Variants in CDK13 observed in about 807,000 individuals in gnomAD.
CDK13 encodes the protein cyclin dependent kinase 13.
CDK13 carries 40 observed loss-of-function variants against 137.6 expected under a neutral mutation model. The observed-to-expected ratio is 0.29, with a 90% CI of 0.23 to 0.38. The LOEUF is 0.38. Among genes scored for constraint, CDK13 ranks in the 10% least tolerant of loss-of-function variants. The probability of loss-of-function intolerance (pLI) is 1.00; values close to 1 mark genes in which losing one functional copy is unlikely to be tolerated. For synonymous variants in CDK13, 869 were observed against 760.1 expected, an observed-to-expected ratio of 1.14 and a Z score of -2.36; for missense variants, 1,704 against 1,951.8, an observed-to-expected ratio of 0.87 and a Z score of 2.39.
At position 39,996,983 on chromosome 7, in the gene CDK13, A is replaced by AAAAAAAAAAAAAAAAAAG. The variant is rs1562719391; in HGVS notation, c.1872-506_1872-505insAAAAAAAAAAAAGAAAAA. On this transcript the variant is annotated intron_variant, in intron 2 of 13. Coordinates refer to ENST00000181839, the MANE Select transcript of CDK13 (RefSeq NM_003718.5). Reference sequence around the variant, plus strand: ...TCTCAAAAAAAAAAAAAAAGAAAAAAAAAAAGAAAAATGCTTTGCAAAACT... The same window carrying AAAAAAAAAAAAAAAAAAG: ...TCTCAAAAAAAAAAAAAAAGAAAAAAAAAAAAAAAAAAAAAAAGAAAAAGAAAAATGCTTTGCAAAACT... Among the ~76,000 whole-genome samples the AAAAAAAAAAAAAAAAAAG allele has an allele frequency of 3.7e-4, 52 of 141,464 alleles. 1 individual carries two copies. The highest frequency in any genetic ancestry group is 1.5e-3 in the African/African-American group (51 of 33,560). The allele number at this position is 141,464 out of a possible 152,430, so 92.8% of individuals were successfully genotyped here.
intron 9 of CDK13, among the ~76,000 whole-genome samples, chr7:40,073,902 C>CTTT (rs75410283): frequency 3.9e-5 from 5 of 129,614 alleles, no homozygotes; most frequent in East Asian, 4.5e-4. Context: ...TCTTTTTTTC[C>CTTT]TTTTTTTTTT....
intron 5 of CDK13, among the ~76,000 whole-genome samples, chr7:40,011,031 C>T (rs1401587467): frequency 6.6e-6 from 1 of 152,100 alleles, no homozygotes; most frequent in East Asian, 1.9e-4. Flanking sequence ...CCATGTTCAT[C>T]GATTAGAAAA....
At chr7:40,072,490 G>A (rs1182251277) in intron 9 of CDK13, 1 of 152,206 alleles carries the variant, frequency 6.6e-6, no homozygotes, top group Non-Finnish European at 1.5e-5. Context: ...TGATAATGAA[G>A]ACTACATCCT....
chr7:39,968,966 T>C (rs2116176414), intron 1 of CDK13, among the ~76,000 whole-genome samples: 1 of 152,338 alleles, frequency 6.6e-6, no homozygotes, highest in African/African-American at 2.4e-5. Flanking sequence ...TTTGCCAGTC[T>C]GGCTTGCTCA....
intron 9 of CDK13, 110 bp from the exon 10 acceptor site, chr7:40,077,895 C>A (rs1786580877): frequency 3.7e-6 from 2 of 538,918 alleles, no homozygotes; most frequent in Non-Finnish European, 3.3e-6. Flanking sequence ...TTTTTATAGA[C>A]CAAGGCTTCA....
intron 2 of CDK13, among the ~76,000 whole-genome samples, chr7:39,996,907 T>C (rs1283984443): frequency 7.5e-6 from 1 of 133,074 alleles, no homozygotes; most frequent in Non-Finnish European, 1.5e-5. Context: ...GAGGTTGCAG[T>C]GAGCCAGGAT....
At chr7:39,964,849 AC>A (rs746669608) in intron 1 of CDK13, among the ~76,000 whole-genome samples, 2 of 152,100 alleles carry the variant, frequency 1.3e-5, no homozygotes, top group Non-Finnish European at 2.9e-5. Context: ...GTTTCAAAGA[AC>A]ATCTTTATTT....
chr7:40,083,174 A>T (rs1786709128), intron 11 of CDK13, among the ~76,000 whole-genome samples: 1 of 150,196 alleles, frequency 6.7e-6, no homozygotes, highest in Non-Finnish European at 1.5e-5. Context: ...AGTTTTTTGG[A>T]TAGTAAAGAA....
At chr7:39,962,109 G>A (rs1783758165) in intron 1 of CDK13, among the ~76,000 whole-genome samples, 1 of 152,170 alleles carries the variant, frequency 6.6e-6, no homozygotes. Context: ...ATGTGCATGT[G>A]TCTTTATAGC....
chr7:40,005,209 T>A (rs898087363), intron 5 of CDK13, among the ~76,000 whole-genome samples: 15 of 151,932 alleles, frequency 9.9e-5, no homozygotes, highest in Admixed American at 3.3e-4. Flanking sequence ...ATAAATATAT[T>A]TTTTTAAAAC....
intron 5 of CDK13, among the ~76,000 whole-genome samples, chr7:40,029,043 T>C (rs1785307872): frequency 6.6e-6 from 1 of 152,004 alleles, no homozygotes; most frequent in Non-Finnish European, 1.5e-5. Context: ...TGCAGATTTT[T>C]AAAATAAATA....
intron 4 of CDK13, among the ~76,000 whole-genome samples, chr7:40,001,269 G>A (rs187672076): frequency 6.7e-6 from 1 of 150,200 alleles, no homozygotes; most frequent in Admixed American, 6.6e-5. Context: ...GGGCTGGAGT[G>A]CAGAGTGCAG....
At chr7:40,041,403 A>G (rs1461972016) in intron 5 of CDK13, among the ~76,000 whole-genome samples, 4 of 152,194 alleles carry the variant, frequency 2.6e-5, no homozygotes, top group Non-Finnish European at 5.9e-5. Flanking sequence ...CAAGACCACA[A>G]ATTATTGAGA....
chr7:39,996,987 A>AAAAAAAAAAAAC (rs1562719405), intron 2 of CDK13, among the ~76,000 whole-genome samples: 2 of 150,938 alleles, frequency 1.3e-5, no homozygotes, highest in African/African-American at 4.9e-5. Flanking sequence ...GAAAAAAAAA[A>AAAAAAAAAAAAC]AGAAAAATGC....
At position 40,097,295 on chromosome 7, in the gene CDK13, TA is replaced by T. The variant is rs1486232518; in HGVS notation, c.*2316del. On this transcript the variant is annotated 3_prime_UTR_variant, in exon 14 of 14. Coordinates refer to ENST00000181839, the MANE Select transcript of CDK13 (RefSeq NM_003718.5). ...ACTACTGTGAGACATACTAGTCTTT[TA>T]TATGTCACTTAGAAGAAAAAATGTT... The T allele has an allele frequency of 6.6e-6, 1 of 152,082 alleles. No homozygotes were observed. Among genetic ancestry groups the T allele is most frequent in the East Asian group, 1.9e-4 (1 of 5,200 alleles). The allele number at this position is 152,082 out of a possible 1,614,324, so 9.4% of individuals were successfully genotyped here.
chr7:39,955,127 C>T (rs1049851121), intron 1 of CDK13, among the ~76,000 whole-genome samples: 1 of 152,014 alleles, frequency 6.6e-6, no homozygotes, highest in African/African-American at 2.4e-5. Context: ...TGGAAGGTCA[C>T]GTAATCTTGC....
chr7:39,973,208 C>T (rs1240982238), intron 1 of CDK13, among the ~76,000 whole-genome samples: 1 of 152,154 alleles, frequency 6.6e-6, no homozygotes, highest in Non-Finnish European at 1.5e-5. Flanking sequence ...ACAATTTTGG[C>T]TCACTGCAGC....
At chr7:39,970,321 C>CA (rs1383860326) in intron 1 of CDK13, among the ~76,000 whole-genome samples, 2 of 151,646 alleles carry the variant, frequency 1.3e-5, no homozygotes, top group Non-Finnish European at 2.9e-5. Context: ...ATTTTATGTC[C>CA]AAAAAAATTT....
At chr7:40,003,387 CCTGA>C (rs1457004581) in intron 5 of CDK13, among the ~76,000 whole-genome samples, 3 of 152,092 alleles carry the variant, frequency 2.0e-5, no homozygotes, top group African/African-American at 7.2e-5. Flanking sequence ...CATTTCTCAG[CCTGA>C]CTTTTACCCT....
Sources: allele counts gnomAD v4.1 joint callset (sites outside exome capture counted in the v4.1 genomes callset), GRCh38; gene constraint gnomAD v4.1.1; transcripts MANE v1.5; gene names NCBI Gene and HGNC (gene_info 2026-07-23, HGNC 2026-07-21).